PWWP2A: variants seen among roughly 807,000 people sequenced by gnomAD.
The protein encoded by PWWP2A is PWWP domain-containing protein 2A.
PWWP2A carries 18 observed loss-of-function variants against 48.5 expected under a neutral mutation model. That is an observed-to-expected ratio of 0.37 (90% confidence interval 0.26 to 0.55). The LOEUF is 0.55. Among genes scored for constraint, PWWP2A ranks in the 20% least tolerant of loss-of-function variants. The pLI, the probability that PWWP2A is intolerant of heterozygous loss-of-function variation, is 0.81. For synonymous variants in PWWP2A, 396 were observed against 387.7 expected, an observed-to-expected ratio of 1.02 and a Z score of -0.25; for missense variants, 867 against 976.4, an observed-to-expected ratio of 0.89 and a Z score of 1.49.
chr5:160,049,566 G>A, the PWWP2A span: 3 of 1,611,180 alleles, frequency 1.9e-6, no homozygotes, highest in Non-Finnish European at 2.5e-6. Context: ...GAGCAGAGTT[G>A]TATGAGAAGA....
intron 1 of PWWP2A, among the ~76,000 whole-genome samples, chr5:160,117,228 G>A (rs1484842339): frequency 6.6e-6 from 1 of 152,244 alleles, no homozygotes; most frequent in African/African-American, 2.4e-5. Context: ...GGAAGGCCAA[G>A]GCAGTAGGAT....
In PWWP2A at chr5:160,115,725, G is replaced by A. The variant is rs537189829; in HGVS notation, c.584+3080C>T. Among the ~76,000 whole-genome samples the A allele has an allele frequency of 2.0e-5, 3 of 151,740 alleles. No individual in the cohort carries two copies. The East Asian group carries it at 5.8e-4, about 29-fold the overall frequency. ...GGAAAAAAAAAAAAATTAGCCAGGC[G>A]TGGTGGTATGCGCTTGTAGTCCCAG... On this transcript the variant is annotated intron_variant, in intron 1 of 1. Coordinates refer to ENST00000307063, the MANE Select transcript of PWWP2A (RefSeq NM_001130864.2).
chr5:160,085,567 C>T (rs554883877), intron 2 of PWWP2A, among the ~76,000 whole-genome samples: 6 of 141,056 alleles, frequency 4.3e-5, no homozygotes, highest in African/African-American at 1.3e-4. Context: ...AGTGTAATGG[C>T]GCGATCTCGG....
chr5:160,106,176 G>A (rs73313104), intron 1 of PWWP2A, among the ~76,000 whole-genome samples: 1,668 of 152,232 alleles, frequency 0.011, 30 homozygotes, highest in African/African-American at 0.038. Context: ...GTGGTATGGC[G>A]AAATATAGTT....
chr5:160,046,010 A>G, the PWWP2A span, among the ~76,000 whole-genome samples: 2 of 152,072 alleles, frequency 1.3e-5, no homozygotes, highest in Non-Finnish European at 2.9e-5. Flanking sequence ...CAAAGTGCTG[A>G]GATTACAGGC....
At chr5:160,079,460 T>C (rs1754074284) in intron 3 of PWWP2A, among the ~76,000 whole-genome samples, 1 of 152,134 alleles carries the variant, frequency 6.6e-6, no homozygotes, top group Non-Finnish European at 1.5e-5. Flanking sequence ...TGATTTACAC[T>C]GTTTTAAAAT....
chr5:160,108,758 G>A (rs1561696410), intron 1 of PWWP2A: 5 of 400,324 alleles, frequency 1.2e-5, no homozygotes, highest in South Asian at 7.6e-5. Flanking sequence ...GTACCCCCAT[G>A]TACACACACA....
At chr5:160,074,236 C>T (rs529690831), downstream of PWWP2A, among the ~76,000 whole-genome samples, 3 of 151,246 alleles carry the variant, frequency 2.0e-5, no homozygotes, top group South Asian at 2.1e-4. Context: ...ATCAGGAGTT[C>T]GAGACCAGCC....
intron 1 of PWWP2A, chr5:160,116,738 A>G: frequency 5.1e-6 from 5 of 985,228 alleles, no homozygotes; most frequent in Non-Finnish European, 6.0e-6. Flanking sequence ...TCACACAATC[A>G]CTGGCCATCT....
chr5:160,106,563 G>T (rs561408464), intron 1 of PWWP2A, among the ~76,000 whole-genome samples: 86 of 152,022 alleles, frequency 5.7e-4, no homozygotes, highest in African/African-American at 2.0e-3. Context: ...GCAAAAAAGT[G>T]AAATTAAGTA....
intron 2 of PWWP2A, among the ~76,000 whole-genome samples, chr5:160,082,258 C>T (rs1365135515): frequency 6.6e-6 from 1 of 151,824 alleles, no homozygotes; most frequent in Admixed American, 6.6e-5. Context: ...TCCTGGCTAA[C>T]ACGGTGAAAC....
chr5:160,049,608 T>C, the PWWP2A span: 1 of 1,610,068 alleles, frequency 6.2e-7, no homozygotes, highest in Non-Finnish European at 8.5e-7. Context: ...TGGAAGACTA[T>C]AAATCTATAT....
intron 1 of PWWP2A, among the ~76,000 whole-genome samples, chr5:160,106,052 T>C (rs1243994088): frequency 6.6e-6 from 1 of 152,186 alleles, no homozygotes; most frequent in Non-Finnish European, 1.5e-5. Context: ...TTCACTATAT[T>C]GAACTGAAGA....
Position 160,091,971 on chromosome 5 carries a change from TGTGTATATATAC to T in PWWP2A, c.*399_*410del, listed in dbSNP as rs2113523467. On this transcript the variant is annotated 3_prime_UTR_variant, in exon 2 of 2. Transcript: ENST00000307063. ...ACAGGCTGTATTTCATATATATATA[TGTGTATATATAC>T]ATATATATGTGTGTATATATACATA... 1 of 844,122 alleles carries T rather than the reference TGTGTATATATAC, an allele frequency of 1.2e-6. No individual in the cohort carries two copies. 52.3% of individuals were successfully genotyped at this position (844,122 alleles called of 1,614,324 possible).
chr5:160,102,753 G>A (rs751369886), intron 1 of PWWP2A, among the ~76,000 whole-genome samples: 7 of 152,186 alleles, frequency 4.6e-5, no homozygotes, highest in African/African-American at 9.7e-5. Context: ...TCATGGGCCT[G>A]CAGATGTGGT....
At chr5:160,081,022 A>G (rs991521604) in intron 2 of PWWP2A, among the ~76,000 whole-genome samples, 1 of 152,184 alleles carries the variant, frequency 6.6e-6, no homozygotes, top group African/African-American at 2.4e-5. Flanking sequence ...AATCCGCAGC[A>G]AGATGCAATG....
Position 160,091,576 on chromosome 5 carries a change from G to A in PWWP2A, c.*806C>T, listed in dbSNP as rs771586492. 18 of 981,542 alleles carry A rather than the reference G, an allele frequency of 1.8e-5. No individual in the cohort carries two copies. Among genetic ancestry groups the A allele is most frequent in the Non-Finnish European group, 2.1e-5 (17 of 828,444 alleles). The allele number at this position is 981,542 out of a possible 1,614,324, so 60.8% of individuals were successfully genotyped here. A position where few individuals can be genotyped will look rare whatever the true frequency, so the allele number is the denominator to read the frequency against. On this transcript the variant is annotated 3_prime_UTR_variant, in exon 2 of 2. Transcript: ENST00000307063. ...GACATATCCTAAGAATTTAGGAACA[G>A]CCAGTCAGGAGAAATCTGACCAAAT...
chr5:160,112,366 G>A (rs955179434), intron 1 of PWWP2A, among the ~76,000 whole-genome samples: 2 of 151,822 alleles, frequency 1.3e-5, no homozygotes, highest in African/African-American at 4.8e-5. Context: ...GATTATAAGT[G>A]CATGCCACCA....
the PWWP2A span, among the ~76,000 whole-genome samples, chr5:160,044,457 CAT>C: frequency 1.3e-5 from 2 of 152,206 alleles, no homozygotes. Context: ...GTGGATTACT[CAT>C]GAGATTTCCA....
Sources: allele counts gnomAD v4.1 joint callset (sites outside exome capture counted in the v4.1 genomes callset), GRCh38; gene constraint gnomAD v4.1.1; transcripts MANE v1.5; gene names NCBI Gene and HGNC (gene_info 2026-07-23, HGNC 2026-07-21).